The following PCDHA10 variants were observed in gnomAD, a reference collection of about 807,000 sequenced individuals.
PCDHA10 encodes the protein protocadherin alpha 10.
PCDHA10 carries 45 observed loss-of-function variants against 61.2 expected under a neutral mutation model. The observed-to-expected ratio is 0.74, with a 90% confidence interval of 0.58 to 0.94. The LOEUF is 0.94. Ranked by LOEUF, PCDHA10 falls within the 40% of genes least tolerant of loss-of-function variation. The pLI, the probability that PCDHA10 is intolerant of heterozygous loss-of-function variation, is 0.00. For missense variants in PCDHA10, 1,278 were observed against 1,236.2 expected (o/e 1.03, Z -0.51); for synonymous variants, 602 against 548.8 (o/e 1.10, Z -1.35).
At position 140,882,318 on chromosome 5, in the gene PCDHA10, G is replaced by A. The variant is rs534213144; in HGVS notation, c.2388+23882G>A. On this transcript the variant is annotated intron_variant, in intron 1 of 3. Transcript: ENST00000307360. ...CCAAGACCGCGGCAACTACTGCTCT[G>A]GCTTCTGATCCTCGCAGCCTGGGAG... 5 of 1,614,128 alleles carry A rather than the reference G, an allele frequency of 3.1e-6. No individual in the cohort carries two copies. In the African/African-American group the frequency reaches 6.7e-5, roughly 22 times the overall value.
At chr5:140,915,362 A>C (rs2077085780) in intron 1 of PCDHA10, among the ~76,000 whole-genome samples, 2 of 152,274 alleles carry the variant, frequency 1.3e-5, no homozygotes, top group East Asian at 3.9e-4. Flanking sequence ...TATTCTTACC[A>C]GTAAGTGTCT....
At position 140,857,412 on chromosome 5, in the gene PCDHA10, C is replaced by A; in HGVS notation, c.1364C>A (p.Ala455Glu). The stretch of plus-strand genomic sequence containing the variant: ...GTGAACGACAACGCGCCTGCGTTCG[C>A]GCAGTCCGAGTACACGGTGTTCGTG... The part of the protein sequence containing the change: ...ADVNDNAPAF[A>E]QSEYTVFVKE... Residue 455 changes from alanine to glutamate, a missense_variant, in exon 1 of 4, where the codon GCG becomes GAG. Ala to Glu is a moderately radical substitution (Grantham distance 107, BLOSUM62 -1). Coordinates refer to ENST00000307360, the MANE Select transcript of PCDHA10 (RefSeq NM_018901.4). 2 of 1,598,338 alleles carry A rather than the reference C, an allele frequency of 1.3e-6. No homozygotes were observed. The highest frequency in any genetic ancestry group is 1.7e-6 in the Non-Finnish European group (2 of 1,167,838).
chr5:140,873,621 T>C (rs1282269984), intron 1 of PCDHA10, among the ~76,000 whole-genome samples: 2 of 152,186 alleles, frequency 1.3e-5, no homozygotes, highest in African/African-American at 4.8e-5. Flanking sequence ...TAACAATTTG[T>C]TTAGGTCAAA....
intron 1 of PCDHA10, among the ~76,000 whole-genome samples, chr5:140,957,220 G>A (rs1356437193): frequency 2.6e-5 from 4 of 152,192 alleles, no homozygotes; most frequent in Non-Finnish European, 5.9e-5. Flanking sequence ...CAAAAATTTG[G>A]CGAAGCATTT....
chr5:140,918,429 G>A (rs2078693094), intron 1 of PCDHA10, among the ~76,000 whole-genome samples: 1 of 152,164 alleles, frequency 6.6e-6, no homozygotes, highest in Non-Finnish European at 1.5e-5. Flanking sequence ...GTAGGATGTT[G>A]AATAGGAGTG....
At chr5:140,978,422 T>C (rs1554239303) in intron 1 of PCDHA10, among the ~76,000 whole-genome samples, 2 of 152,218 alleles carry the variant, frequency 1.3e-5, no homozygotes, top group Non-Finnish European at 2.9e-5. Flanking sequence ...AAGAGACTGT[T>C]ATCAGTTGCT....
chr5:140,935,389 C>T (rs559765340), intron 1 of PCDHA10, among the ~76,000 whole-genome samples: 20 of 152,288 alleles, frequency 1.3e-4, no homozygotes, highest in African/African-American at 4.8e-4. Flanking sequence ...CATTTGTTAT[C>T]CCACGGGACT....
At chr5:140,917,940 G>T (rs2078445007) in intron 1 of PCDHA10, among the ~76,000 whole-genome samples, 1 of 151,950 alleles carries the variant, frequency 6.6e-6, no homozygotes, top group African/African-American at 2.4e-5. Flanking sequence ...AATAATATTG[G>T]TAGTTTGATA....
At chr5:140,870,154 G>A (rs1243170344) in intron 1 of PCDHA10, 2 of 1,614,130 alleles carry the variant, frequency 1.2e-6, no homozygotes, top group Non-Finnish European at 8.5e-7. Context: ...TGAAGTCGCC[G>A]TGACTTCCTT....
chr5:140,923,641 T>C (rs2081461052), intron 1 of PCDHA10, among the ~76,000 whole-genome samples: 1 of 152,230 alleles, frequency 6.6e-6, no homozygotes. Context: ...CAAAAATCTT[T>C]AGCCTCCCTT....
intron 1 of PCDHA10, among the ~76,000 whole-genome samples, chr5:140,958,643 T>C (rs2095435479): frequency 1.3e-5 from 2 of 152,020 alleles, no homozygotes. Flanking sequence ...AGAAAACCAA[T>C]CACAGAAAGC....
chr5:140,858,998 T>G, intron 1 of PCDHA10: 1 of 151,598 alleles, frequency 6.6e-6, no homozygotes, highest in East Asian at 1.9e-4. Context: ...TTGGTAAAAA[T>G]TTCTTAATCT....
In PCDHA10 at chr5:141,002,285, A is replaced by C. The variant is rs2098070605; in HGVS notation, c.2537-7342A>C. On this transcript the variant is annotated intron_variant, in intron 3 of 3. Coordinates refer to ENST00000307360, the MANE Select transcript of PCDHA10 (RefSeq NM_018901.4). ...CCCAGAGCTGGTAACAAAGGGATGA[A>C]TGGGGAGCAAAGGGGCGGGGCCGAA... 4.6e-5 allele frequency among the ~76,000 whole-genome samples: 7 copies of C among 152,158 alleles called. No individual in the cohort carries two copies. In the South Asian group the frequency reaches 1.4e-3, roughly 31 times the overall value.
intron 1 of PCDHA10, among the ~76,000 whole-genome samples, chr5:140,938,521 T>C (rs2092100005): frequency 6.6e-6 from 1 of 150,974 alleles, no homozygotes; most frequent in African/African-American, 2.4e-5. Context: ...TTTTCTGTTA[T>C]TGAATGGATA....
At chr5:140,862,541 G>A (rs749747760) in intron 1 of PCDHA10, 2 of 445,208 alleles carry the variant, frequency 4.5e-6, no homozygotes, top group Non-Finnish European at 9.1e-6. Context: ...CGGGTCCGTG[G>A]AAGTGGCCGA....
intron 1 of PCDHA10, among the ~76,000 whole-genome samples, chr5:140,893,912 G>A (rs1254345100): frequency 6.6e-6 from 1 of 152,124 alleles, no homozygotes; most frequent in Non-Finnish European, 1.5e-5. Flanking sequence ...TGAATTTGTG[G>A]TCTTTTTCAG....
intron 1 of PCDHA10, among the ~76,000 whole-genome samples, chr5:140,956,473 A>G (rs1269855039): frequency 1.1e-4 from 17 of 152,136 alleles, no homozygotes; most frequent in Admixed American, 1.1e-3. Context: ...CATATGTTGA[A>G]CCAGTCTTGC....
intron 3 of PCDHA10, among the ~76,000 whole-genome samples, chr5:141,006,156 TA>T (rs1554260585): frequency 6.6e-6 from 1 of 151,588 alleles, no homozygotes; most frequent in East Asian, 1.9e-4. Flanking sequence ...AGGAGTGATA[TA>T]ATCTGATTTA....
chr5:140,922,063 A>C (rs1324927848), intron 1 of PCDHA10, among the ~76,000 whole-genome samples: 2 of 152,190 alleles, frequency 1.3e-5, no homozygotes, highest in African/African-American at 4.8e-5. Context: ...AAATGTAGCA[A>C]TCCCACTAAG....
Sources: gnomAD v4.1 joint callset for allele counts (sites outside exome capture counted in the v4.1 genomes callset) on GRCh38, gnomAD v4.1.1 for gene constraint, MANE v1.5 for transcripts, NCBI Gene and HGNC (gene_info 2026-07-23, HGNC 2026-07-21) for gene names.